WDR86: variants seen among roughly 807,000 people sequenced by gnomAD.
WDR86 encodes the protein WD repeat-containing protein 86.
In WDR86, 30 loss-of-function variants were observed where a neutral mutation model predicts 36.5. The ratio of observed to expected loss-of-function variants is 0.82; its 90% CI spans 0.61 to 1.11. The LOEUF is 1.11. Among genes scored for constraint, WDR86 ranks in the 50% most tolerant of loss-of-function variants. The pLI, the probability that WDR86 is intolerant of heterozygous loss-of-function variation, is 0.00. For synonymous variants in WDR86, 255 were observed against 252.9 expected, an observed-to-expected ratio of 1.01 and a Z score of -0.08; for missense variants, 545 against 561.2, an observed-to-expected ratio of 0.97 and a Z score of 0.29.
At chr7:151,398,323 CATGTGT>C (rs1369568294) in intron 2 of WDR86, among the ~76,000 whole-genome samples, 2 of 151,662 alleles carry the variant, frequency 1.3e-5, no homozygotes, top group East Asian at 1.9e-4. Flanking sequence ...GTTGCATGTG[CATGTGT>C]AAGTTGTGTA....
intron 1 of WDR86, chr7:151,408,877 G>A (rs899948713): frequency 1.3e-5 from 6 of 469,072 alleles, no homozygotes; most frequent in Non-Finnish European, 2.7e-5. Flanking sequence ...GTGCGACCTG[G>A]GCGAATTACT....
intron 3 of WDR86, among the ~76,000 whole-genome samples, chr7:151,393,659 C>T (rs1239819450): frequency 6.6e-6 from 1 of 152,158 alleles, no homozygotes; most frequent in Non-Finnish European, 1.5e-5. Context: ...AACCCCCTGC[C>T]CTGGCAAGCT....
At chr7:151,404,152 G>A (rs1182266001) in intron 1 of WDR86, among the ~76,000 whole-genome samples, 4 of 152,172 alleles carry the variant, frequency 2.6e-5, no homozygotes, top group South Asian at 2.1e-4. Context: ...GGACATATAC[G>A]CAGATGATGG....
upstream of WDR86, among the ~76,000 whole-genome samples, chr7:151,410,258 G>A (rs940734401): frequency 3.3e-5 from 5 of 152,242 alleles, no homozygotes; most frequent in African/African-American, 1.2e-4. Context: ...CCTGAGCCAA[G>A]GGCCGGGACG....
intron 2 of WDR86, among the ~76,000 whole-genome samples, chr7:151,399,499 G>A (rs1046950647): frequency 1.4e-4 from 22 of 152,314 alleles, no homozygotes; most frequent in African/African-American, 4.8e-4. Flanking sequence ...GGCCTCCCTC[G>A]GGAGTCCGAG....
intron 1 of WDR86, among the ~76,000 whole-genome samples, chr7:151,404,378 C>T (rs1489762926): frequency 6.6e-6 from 1 of 152,204 alleles, no homozygotes; most frequent in Admixed American, 6.5e-5. Context: ...TTTCTAAGCA[C>T]TCACCCACAT....
chr7:151,396,296 C>G (rs1356486212), intron 2 of WDR86, 100 bp from the exon 3 acceptor site: 11 of 1,373,404 alleles, frequency 8.0e-6, no homozygotes, highest in Non-Finnish European at 1.1e-5. Context: ...CTAAAATAAC[C>G]TCTCCCTGTG....
Position 151,409,568 on chromosome 7 carries a change from G to A in WDR86, c.22C>T (p.Leu8=). ...CCGCGGTGGTCGGCGCAGACCCTCA[G>A]GGCCGACCCGCCGCCCCCCATCCCG... MGGGGSA[L]RVCADHRGGI... is the part of the protein sequence containing the mutation. Residue 8 remains leucine, a synonymous_variant, in exon 1 of 6, where the codon CTG becomes TTG. Coordinates refer to ENST00000334493, the MANE Select transcript of WDR86 (RefSeq NM_198285.3). This position sits in a 1 kb window ranked among gnomAD's most constrained non-coding sequence, Gnocchi z 5.2. The A allele has an allele frequency of 7.0e-7, 1 of 1,420,148 alleles. No homozygotes were observed. The allele number at this position is 1,420,148 out of a possible 1,614,324, so 88.0% of individuals were successfully genotyped here. A position where few individuals can be genotyped will look rare whatever the true frequency, so the allele number is the denominator to read the frequency against.
chr7:151,404,389 C>G (rs1800559875), intron 1 of WDR86, among the ~76,000 whole-genome samples: 1 of 152,212 alleles, frequency 6.6e-6, no homozygotes. Context: ...TCACCCACAT[C>G]TGAACACACG....
At chr7:151,392,337 A>C (rs1799496876) in intron 3 of WDR86, among the ~76,000 whole-genome samples, 1 of 128,992 alleles carries the variant, frequency 7.8e-6, no homozygotes. Context: ...TTGGACCCCC[A>C]TCCACCCACC....
chr7:151,394,475 G>A (rs537531343), intron 3 of WDR86, among the ~76,000 whole-genome samples: 2 of 152,352 alleles, frequency 1.3e-5, no homozygotes, highest in Admixed American at 6.5e-5. Context: ...CTGAGCATCA[G>A]GTGCTGGTAG....
downstream of WDR86, chr7:151,376,318 G>A (rs933189738): frequency 1.2e-5 from 6 of 484,206 alleles, no homozygotes; most frequent in Admixed American, 7.0e-5. Flanking sequence ...CCCTACACGC[G>A]TTAGCACGCC....
At chr7:151,387,201 C>T (rs1799048400) in intron 3 of WDR86, among the ~76,000 whole-genome samples, 1 of 152,186 alleles carries the variant, frequency 6.6e-6, no homozygotes, top group African/African-American at 2.4e-5. Flanking sequence ...AGCTTTGCAG[C>T]CCCACACCTC....
chr7:151,374,140 G>A (rs375619382), downstream of WDR86: 10 of 1,572,374 alleles, frequency 6.4e-6, no homozygotes, highest in African/African-American at 2.7e-5. Flanking sequence ...AAGAAAAGAC[G>A]CCGCCTCGAG....
At chr7:151,370,243 C>T in the WDR86 span, among the ~76,000 whole-genome samples, 4 of 152,100 alleles carry the variant, frequency 2.6e-5, no homozygotes, top group South Asian at 2.1e-4. Context: ...CCCACCACCA[C>T]GCCCAGCTTT....
chr7:151,396,939 C>T (rs1799865495), intron 2 of WDR86, among the ~76,000 whole-genome samples: 1 of 152,264 alleles, frequency 6.6e-6, no homozygotes, highest in African/African-American at 2.4e-5. Context: ...AACTGACCAA[C>T]ATGGGAGACC....
chr7:151,409,130 T>C lies in WDR86; in HGVS notation c.163+297A>G, dbSNP rs1033926708. On this transcript the variant is annotated intron_variant, in intron 1 of 5. Coordinates refer to ENST00000334493, the MANE Select transcript of WDR86 (RefSeq NM_198285.3). The surrounding 1 kb of genome is among the most constrained non-coding windows in gnomAD (Gnocchi z 5.2). ...TTGTTAACATTGTTGTCAAGGGAGATTTCCTGCCGCTGGTTGACAAATGAT... is the reference window on the plus strand; with the variant it reads ...TTGTTAACATTGTTGTCAAGGGAGACTTCCTGCCGCTGGTTGACAAATGAT... 7.6e-5 allele frequency: 50 copies of C among 656,182 alleles called. No individual in the cohort carries two copies. Among genetic ancestry groups the C allele is most frequent in the Non-Finnish European group, 1.4e-4 (47 of 347,166 alleles). 40.6% of individuals were successfully genotyped at this position (656,182 alleles called of 1,614,324 possible). A position where few individuals can be genotyped will look rare whatever the true frequency, so the allele number is the denominator to read the frequency against.
At chr7:151,381,116 A>G, downstream of WDR86, 1 of 1,217,596 alleles carries the variant, frequency 8.2e-7, no homozygotes, top group Non-Finnish European at 1.0e-6. The surrounding 1 kb of genome is among the most constrained non-coding windows in gnomAD (Gnocchi z 4.8). Context: ...AAGAGGACAC[A>G]GGAGCACTTT....
At chr7:151,404,688 G>C (rs1475513836) in intron 1 of WDR86, among the ~76,000 whole-genome samples, 1 of 152,248 alleles carries the variant, frequency 6.6e-6, no homozygotes, top group Admixed American at 6.5e-5. Context: ...AAATATTTCT[G>C]AAGGGATGAA....
Sources: allele counts gnomAD v4.1 joint callset (sites outside exome capture counted in the v4.1 genomes callset), GRCh38; gene constraint gnomAD v4.1.1; non-coding constraint Gnocchi (gnomAD v3.1); transcripts MANE v1.5; gene names NCBI Gene and HGNC (gene_info 2026-07-23, HGNC 2026-07-21).